The following MCHR2 variants were observed in gnomAD, a reference collection of about 807,000 sequenced individuals.
MCHR2 encodes the protein melanin concentrating hormone receptor 2, also known as melanin-concentrating hormone receptor 2.
A neutral mutation model predicts 24.8 loss-of-function variants in MCHR2; 15 were observed. That is an observed-to-expected ratio of 0.60 (90% confidence interval 0.40 to 0.93). MCHR2 has a LOEUF of 0.93. Ranked by LOEUF, MCHR2 falls within the 40% of genes least tolerant of loss-of-function variation. The probability of loss-of-function intolerance (pLI) is 0.00; values close to 1 mark genes in which losing one functional copy is unlikely to be tolerated. For missense variants in MCHR2, 386 were observed against 408.7 expected (o/e 0.94, Z 0.48); for synonymous variants, 151 against 147.6 (o/e 1.02, Z -0.17).
intron 5 of MCHR2, among the ~76,000 whole-genome samples, chr6:99,929,539 A>T (rs1197482781): frequency 6.6e-6 from 1 of 152,130 alleles, no homozygotes; most frequent in Admixed American, 6.5e-5. Context: ...GGGTGCATAT[A>T]TATTTAGGAT....
intron 5 of MCHR2, among the ~76,000 whole-genome samples, chr6:99,930,983 G>A: frequency 6.6e-6 from 1 of 152,044 alleles, no homozygotes; most frequent in Admixed American, 6.6e-5. Context: ...ATCTACTTTT[G>A]GTCTTTGATG....
chr6:99,958,136 A>G (rs1775102891), intron 1 of MCHR2, among the ~76,000 whole-genome samples: 2 of 152,104 alleles, frequency 1.3e-5, no homozygotes, highest in Admixed American at 6.6e-5. Context: ...ATAGGGATAG[A>G]CAAATAGGTC....
intron 1 of MCHR2, among the ~76,000 whole-genome samples, chr6:99,980,971 G>A (rs1338541423): frequency 6.6e-6 from 1 of 152,206 alleles, no homozygotes; most frequent in Admixed American, 6.5e-5. Context: ...TTGAGTGGAT[G>A]TCAAAGCAGG....
rs1774211572 is a variant in MCHR2 at position 99,920,930 on chromosome 6, A to G, written c.*10T>C. The G allele has an allele frequency of 1.9e-6, 3 of 1,612,224 alleles. No individual in the cohort carries two copies. The highest frequency in any genetic ancestry group is 2.5e-6 in the Non-Finnish European group (3 of 1,178,854). On this transcript the variant is annotated 3_prime_UTR_variant, in exon 6 of 6. Coordinates refer to ENST00000281806, the MANE Select transcript of MCHR2 (RefSeq NM_001040179.2). ...ATCATGTCTAGACTCATGGTGATCC[A>G]TGTACTTTCCTAAAAGTGTGATTTC...
chr6:99,934,538 G>A, intron 4 of MCHR2, 21 bp from the exon 5 acceptor site: 1 of 1,421,936 alleles, frequency 7.0e-7, no homozygotes, highest in East Asian at 2.6e-5. Context: ...AGAGAGAGAA[G>A]AGAGAGAGAG....
At chr6:99,991,288 A>T (rs897549165) in intron 1 of MCHR2, among the ~76,000 whole-genome samples, 1 of 152,152 alleles carries the variant, frequency 6.6e-6, no homozygotes, top group Non-Finnish European at 1.5e-5. Context: ...GCTGGGAGAC[A>T]GATGGGGCTG....
intron 5 of MCHR2, among the ~76,000 whole-genome samples, chr6:99,922,147 C>G (rs1774250118): frequency 6.7e-6 from 1 of 150,048 alleles, no homozygotes; most frequent in Non-Finnish European, 1.5e-5. Context: ...CGCTCTGTCG[C>G]CCAGACTGGA....
chr6:99,951,762 C>G (rs1774969966), intron 2 of MCHR2, among the ~76,000 whole-genome samples: 1 of 152,048 alleles, frequency 6.6e-6, no homozygotes, highest in African/African-American at 2.4e-5. Flanking sequence ...AAAAAGAGAC[C>G]TGTGTTCTAA....
In MCHR2 at chr6:99,918,894, T is replaced by A. The variant is rs1774169314; in HGVS notation, c.*2046A>T. On this transcript the variant is annotated 3_prime_UTR_variant, in exon 6 of 6. Coordinates refer to ENST00000281806, the MANE Select transcript of MCHR2 (RefSeq NM_001040179.2). ...ATTCACTGGCCAATTATTTGAGGACTATTGGGACTGCTACTAGAAAAAGGT... is the reference window on the plus strand; with the variant it reads ...ATTCACTGGCCAATTATTTGAGGACAATTGGGACTGCTACTAGAAAAAGGT... Among the ~76,000 whole-genome samples the A allele has an allele frequency of 1.3e-5, 2 of 152,194 alleles. No individual in the cohort carries two copies. Among genetic ancestry groups the A allele is most frequent in the Non-Finnish European group, 1.5e-5 (1 of 68,018 alleles).
chr6:99,968,342 A>C (rs1775332265), intron 1 of MCHR2, among the ~76,000 whole-genome samples: 1 of 152,096 alleles, frequency 6.6e-6, no homozygotes, highest in South Asian at 2.1e-4. Flanking sequence ...AAAGTGGATC[A>C]CTCCCATGAT....
At chr6:99,937,946 T>A (rs1438349365) in intron 4 of MCHR2, among the ~76,000 whole-genome samples, 1 of 151,928 alleles carries the variant, frequency 6.6e-6, no homozygotes, top group Non-Finnish European at 1.5e-5. Flanking sequence ...GCTGTTTGTG[T>A]CCAGGAATTT....
intron 1 of MCHR2, among the ~76,000 whole-genome samples, chr6:99,993,631 T>A (rs1284117083): frequency 6.6e-6 from 1 of 152,082 alleles, no homozygotes; most frequent in Non-Finnish European, 1.5e-5. Context: ...TCGGGGCCGC[T>A]GCTTCCCGGA....
At chr6:99,976,690 C>T (rs1012970993) in intron 1 of MCHR2, among the ~76,000 whole-genome samples, 1 of 152,186 alleles carries the variant, frequency 6.6e-6, no homozygotes, top group African/African-American at 2.4e-5. Flanking sequence ...ACCTGGACCT[C>T]TAGGCATCTT....
intron 1 of MCHR2, among the ~76,000 whole-genome samples, chr6:99,973,807 C>T (rs1775488132): frequency 6.6e-6 from 1 of 152,118 alleles, no homozygotes; most frequent in Admixed American, 6.5e-5. Context: ...TTTTATTTCT[C>T]CTTCACTTAT....
At position 99,934,491 on chromosome 6, in the gene MCHR2, G is replaced by C. The variant is rs201725646; in HGVS notation, c.614C>G (p.Thr205Ser). ...AATCAAGGGTAGAGGGAAAAAAAAA[G>C]TTGTTATCGTCAAATAAAGTGTATA... The part of the protein sequence containing the change: ...LWYTLYLTIT[T>S]FFFPLPLILV... The change falls in exon 5 of 6, where the codon ACT becomes AGT. Residue 205 changes from threonine (T) to serine (S), a missense_variant. Coordinates refer to ENST00000281806, the MANE Select transcript of MCHR2 (RefSeq NM_001040179.2). The C allele has an allele frequency of 6.3e-7, 1 of 1,598,438 alleles. No homozygotes were observed. Among genetic ancestry groups the C allele is most frequent in the Admixed American group, 1.7e-5 (1 of 57,522 alleles).
At chr6:99,983,265 C>G (rs1312911187) in intron 1 of MCHR2, among the ~76,000 whole-genome samples, 1 of 152,180 alleles carries the variant, frequency 6.6e-6, no homozygotes, top group Non-Finnish European at 1.5e-5. Flanking sequence ...ACCACCATGC[C>G]CAGCCCCTGC....
intron 3 of MCHR2, among the ~76,000 whole-genome samples, chr6:99,946,695 C>T (rs1351579055): frequency 4.6e-5 from 7 of 152,134 alleles, no homozygotes; most frequent in Non-Finnish European, 5.9e-5. Context: ...AAATAACACA[C>T]ACACACACGT....
chr6:99,934,526 T>TGA lies in MCHR2; in HGVS notation c.588-11_588-10dup. 2 of 1,559,060 alleles carry TGA rather than the reference T, an allele frequency of 1.3e-6. No homozygotes were observed. Among genetic ancestry groups the TGA allele is most frequent in the Non-Finnish European group, 1.7e-6 (2 of 1,158,252 alleles). ...TCAAATAAAGTGTATACCTGTAAAA[T>TGA]GAGAGAGAGAAGAGAGAGAGAGAAA... On this transcript the variant is annotated splice_polypyrimidine_tract_variant and intron_variant, in intron 4 of 5. Coordinates refer to ENST00000281806, the MANE Select transcript of MCHR2 (RefSeq NM_001040179.2).
At chr6:99,936,927 T>G (rs1232061835) in intron 4 of MCHR2, among the ~76,000 whole-genome samples, 1 of 151,912 alleles carries the variant, frequency 6.6e-6, no homozygotes, top group African/African-American at 2.4e-5. Context: ...ATATATCACT[T>G]CTTTTGTTGA....
Sources: gnomAD v4.1 joint callset for allele counts (sites outside exome capture counted in the v4.1 genomes callset) on GRCh38, gnomAD v4.1.1 for gene constraint, MANE v1.5 for transcripts, NCBI Gene and HGNC (gene_info 2026-07-23, HGNC 2026-07-21) for gene names.